PFDN2: variants seen among roughly 807,000 people sequenced by gnomAD.
PFDN2 encodes the protein prefoldin subunit 2.
Under a neutral mutation model 18.3 loss-of-function variants are expected in PFDN2, and 7 were observed. The ratio of observed to expected loss-of-function variants is 0.38; its 90% CI spans 0.22 to 0.72. PFDN2 has a LOEUF of 0.72. Among genes scored for constraint, PFDN2 ranks in the 30% least tolerant of loss-of-function variants. The probability of loss-of-function intolerance (pLI) is 0.47; values close to 1 mark genes in which losing one functional copy is unlikely to be tolerated. For synonymous variants in PFDN2, 76 were observed against 75.0 expected, an observed-to-expected ratio of 1.01 and a Z score of -0.07; for missense variants, 181 against 199.1, an observed-to-expected ratio of 0.91 and a Z score of 0.55.
Position 161,105,642 on chromosome 1 carries a change from G to C in PFDN2, c.76-3267C>G, listed in dbSNP as rs370200060. Among the ~76,000 whole-genome samples, 10 of 151,958 alleles carry C rather than the reference G, an allele frequency of 6.6e-5. No homozygotes were observed. In the East Asian group the frequency reaches 1.6e-3, roughly 24 times the overall value. On this transcript the variant is annotated intron_variant, in intron 1 of 3. Transcript: ENST00000368010. ...CAAGGTAATTTTTATAATTTTAGTA[G>C]AGATGGGGGTTCCACCATATTGGTC...
At chr1:161,108,910 G>A (rs1369208632) in intron 1 of PFDN2, among the ~76,000 whole-genome samples, 1 of 152,092 alleles carries the variant, frequency 6.6e-6, no homozygotes, top group Non-Finnish European at 1.5e-5. Flanking sequence ...AATTACATGT[G>A]TACTACTTAT....
intron 1 of PFDN2, among the ~76,000 whole-genome samples, chr1:161,107,718 G>A (rs1278007857): frequency 6.6e-6 from 1 of 151,510 alleles, no homozygotes; most frequent in African/African-American, 2.4e-5. Flanking sequence ...GGGAGGCTGA[G>A]GCAGGAGAAT....
intron 1 of PFDN2, among the ~76,000 whole-genome samples, chr1:161,116,735 C>T (rs1654941481): frequency 1.3e-5 from 2 of 148,490 alleles, no homozygotes; most frequent in East Asian, 2.1e-4. Context: ...CGTGGTGGTG[C>T]GGGCATGTAA....
intron 1 of PFDN2, among the ~76,000 whole-genome samples, chr1:161,115,377 T>G (rs1654893871): frequency 6.6e-6 from 1 of 152,182 alleles, no homozygotes; most frequent in African/African-American, 2.4e-5. Flanking sequence ...AATTCATAAG[T>G]TTTAAGTTTC....
At chr1:161,107,222 C>G (rs1375807156) in intron 1 of PFDN2, among the ~76,000 whole-genome samples, 1 of 152,110 alleles carries the variant, frequency 6.6e-6, no homozygotes, top group Non-Finnish European at 1.5e-5. Context: ...TCAGGAGATC[C>G]AGACCATCCT....
chr1:161,116,637 GCTTCT>G (rs1324172838), intron 1 of PFDN2, among the ~76,000 whole-genome samples: 4 of 152,066 alleles, frequency 2.6e-5, no homozygotes, highest in Admixed American at 2.0e-4. Flanking sequence ...TGAGCATTTT[GCTTCT>G]CTTATTTACC....
intron 1 of PFDN2, 25 bp from the exon 2 acceptor site, chr1:161,102,400 AAG>A (rs752073955): frequency 1.9e-5 from 30 of 1,584,780 alleles, no homozygotes; most frequent in Middle Eastern, 1.7e-4. Flanking sequence ...GAAGAGATGA[AAG>A]AGGGGATAGT....
chr1:161,107,983 C>T (rs1389084410), intron 1 of PFDN2, among the ~76,000 whole-genome samples: 2 of 147,220 alleles, frequency 1.4e-5, no homozygotes, highest in African/African-American at 2.5e-5. Context: ...GATGTGGTGG[C>T]GTGTGCCTGT....
In PFDN2 at chr1:161,102,312, A is replaced by G. The variant is rs779362174; in HGVS notation, c.139T>C (p.Leu47=). Residue 47 remains leucine (L), a synonymous_variant, in exon 2 of 4, where the codon TTG becomes CTG. Transcript: ENST00000368010. Reference sequence around the variant, plus strand: ...CTGTGCTCATTCAACTCCATCTCCAACTCAGCTGCTTTGGATGCCAGGCCT... The same window carrying G: ...CTGTGCTCATTCAACTCCATCTCCAGCTCAGCTGCTTTGGATGCCAGGCCT... ...QRGLASKAAE[L]EMELNEHSLV... 6.2e-7 allele frequency: 1 copy of G among 1,613,892 alleles called. No individual in the cohort carries two copies. Among genetic ancestry groups the G allele is most frequent in the Non-Finnish European group, 8.5e-7 (1 of 1,179,936 alleles).
At chr1:161,113,100 TATATAAGAGTTAAACAATTAATA>T (rs1446987234) in intron 1 of PFDN2, among the ~76,000 whole-genome samples, 2 of 152,218 alleles carry the variant, frequency 1.3e-5, no homozygotes, top group African/African-American at 2.4e-5. Context: ...TGTATTATTT[TATATAAGAGTTAAACAATTAATA>T]ATATAACATA....
intron 1 of PFDN2, among the ~76,000 whole-genome samples, chr1:161,110,940 A>G (rs187541375): frequency 6.6e-6 from 1 of 151,284 alleles, no homozygotes; most frequent in Admixed American, 6.6e-5. Context: ...CCCAGGTTCA[A>G]GCAATTCTCC....
intron 1 of PFDN2, among the ~76,000 whole-genome samples, chr1:161,113,736 C>T (rs1654853804): frequency 2.0e-5 from 3 of 152,176 alleles, no homozygotes; most frequent in Non-Finnish European, 2.9e-5. Context: ...GAGCCGTGAT[C>T]GCACCACTGC....
chr1:161,114,287 CA>C (rs1654864147), intron 1 of PFDN2, among the ~76,000 whole-genome samples: 1 of 152,214 alleles, frequency 6.6e-6, no homozygotes, highest in Admixed American at 6.5e-5. Flanking sequence ...TGTCTTCCTA[CA>C]TTCCTTATGG....
At chr1:161,106,168 A>G (rs1010944346) in intron 1 of PFDN2, among the ~76,000 whole-genome samples, 2 of 152,102 alleles carry the variant, frequency 1.3e-5, no homozygotes, top group Non-Finnish European at 2.9e-5. Context: ...TGCTCCCACT[A>G]TGCATAAGAC....
chr1:161,102,239 G>C, intron 2 of PFDN2, 48 bp downstream of exon 2: 2 of 1,612,890 alleles, frequency 1.2e-6, no homozygotes, highest in Non-Finnish European at 1.7e-6. Context: ...CCCTCACGGA[G>C]TAGCCCACAC....
At chr1:161,105,132 G>A (rs945224305) in intron 1 of PFDN2, among the ~76,000 whole-genome samples, 3 of 152,154 alleles carry the variant, frequency 2.0e-5, no homozygotes. Context: ...TTTTCTGGAT[G>A]TATGTTGTTA....
At chr1:161,115,540 C>T (rs1654897182) in intron 1 of PFDN2, among the ~76,000 whole-genome samples, 1 of 152,178 alleles carries the variant, frequency 6.6e-6, no homozygotes, top group African/African-American at 2.4e-5. Flanking sequence ...CTGAGATCAC[C>T]TAAAGCAGAT....
At chr1:161,109,259 C>T (rs987956577) in intron 1 of PFDN2, among the ~76,000 whole-genome samples, 1 of 152,176 alleles carries the variant, frequency 6.6e-6, no homozygotes, top group Admixed American at 6.5e-5. Flanking sequence ...CAGTTTTTCT[C>T]TGCTTAAGTC....
chr1:161,113,674 G>A (rs1469188579), intron 1 of PFDN2, among the ~76,000 whole-genome samples: 1 of 152,174 alleles, frequency 6.6e-6, no homozygotes, highest in African/African-American at 2.4e-5. Context: ...CCAGTAACTT[G>A]GGAGGCTGAG....
Sources: allele counts gnomAD v4.1 joint callset (sites outside exome capture counted in the v4.1 genomes callset), GRCh38; gene constraint gnomAD v4.1.1; transcripts MANE v1.5; gene names NCBI Gene and HGNC (gene_info 2026-07-23, HGNC 2026-07-21).